The following UCK2 variants were observed in gnomAD, a reference collection of about 807,000 sequenced individuals.
UCK2 encodes uridine-cytidine kinase 2.
A neutral mutation model predicts 30.8 loss-of-function variants in UCK2; 6 were observed. The observed-to-expected ratio is 0.19, with a 90% CI of 0.11 to 0.38. The LOEUF is 0.38. Among genes scored for constraint, UCK2 ranks in the 10% least tolerant of loss-of-function variants. UCK2 has a pLI of 1.00. For synonymous variants in UCK2, 125 were observed against 133.6 expected (o/e 0.94, Z 0.45); for missense variants, 210 against 339.8 (o/e 0.62, Z 3.00).
At chr1:165,896,028 G>C in intron 3 of UCK2, 162 bp from the exon 4 acceptor site, 1 of 879,796 alleles carries the variant, frequency 1.1e-6, no homozygotes. Flanking sequence ...GTGGTGGTCC[G>C]AGGGCTCTGT....
Position 165,907,705 on chromosome 1 carries a change from A to T in UCK2, c.668A>T (p.Gln223Leu), listed in dbSNP as rs1647714471. The T allele has an allele frequency of 6.2e-7, 1 of 1,614,094 alleles. No individual in the cohort carries two copies. The highest frequency in any genetic ancestry group is 1.3e-5 in the African/African-American group (1 of 74,920). Residue 223 changes from glutamine to leucine, a missense_variant, in exon 7 of 7, where the codon CAG (glutamine) becomes CTG (leucine). Transcript: ENST00000367879. ...DNLVAINLIV[Q>L]HIQDILNGGP... Reference sequence around the variant, plus strand: ...ACAGTGGCCATCAACCTCATCGTGCAGCACATCCAGGACATCCTGAATGGA... The same window carrying T: ...ACAGTGGCCATCAACCTCATCGTGCTGCACATCCAGGACATCCTGAATGGA...
chr1:165,857,717 G>T (rs757328131), intron 1 of UCK2, among the ~76,000 whole-genome samples: 3 of 152,196 alleles, frequency 2.0e-5, no homozygotes, highest in African/African-American at 7.2e-5. Flanking sequence ...CCCTGTGTGC[G>T]AAGCGAAGCA....
At chr1:165,907,085 C>A (rs758766194) in intron 6 of UCK2, among the ~76,000 whole-genome samples, 2 of 152,156 alleles carry the variant, frequency 1.3e-5, no homozygotes, top group Non-Finnish European at 2.9e-5. Flanking sequence ...CTTATACAGT[C>A]TGAAGGAATT....
At chr1:165,843,170 T>A (rs1654371690) in intron 1 of UCK2, among the ~76,000 whole-genome samples, 1 of 152,248 alleles carries the variant, frequency 6.6e-6, no homozygotes, top group Non-Finnish European at 1.5e-5. Flanking sequence ...CTGTCCATTG[T>A]GCCTAGAATA....
chr1:165,895,728 A>G (rs1655880056), intron 3 of UCK2: 2 of 864,894 alleles, frequency 2.3e-6, no homozygotes, highest in Non-Finnish European at 2.8e-6. Flanking sequence ...CAATTGCCTC[A>G]GGACTGGCGG....
chr1:165,835,511 T>C (rs2101848798), intron 1 of UCK2, among the ~76,000 whole-genome samples: 1 of 152,160 alleles, frequency 6.6e-6, no homozygotes, highest in East Asian at 1.9e-4. Context: ...CCATCACATA[T>C]TTTTGACATC....
intron 1 of UCK2, among the ~76,000 whole-genome samples, chr1:165,840,349 T>C (rs1654298179): frequency 1.3e-5 from 2 of 152,274 alleles, no homozygotes; most frequent in Non-Finnish European, 2.9e-5. Flanking sequence ...TCAGGCTAAT[T>C]AGCATATCTG....
intron 1 of UCK2, among the ~76,000 whole-genome samples, chr1:165,861,047 C>G (rs1654883375): frequency 6.6e-6 from 1 of 152,158 alleles, no homozygotes; most frequent in African/African-American, 2.4e-5. Context: ...GGCCCAAGTT[C>G]AAGGCACCAG....
At chr1:165,897,881 T>C (rs1378080004) in intron 4 of UCK2, 1 of 152,162 alleles carries the variant, frequency 6.6e-6, no homozygotes, top group Admixed American at 6.5e-5. Flanking sequence ...GAGGAGACTT[T>C]TAGTTCTAGC....
At chr1:165,847,127 A>G (rs914932779) in intron 1 of UCK2, among the ~76,000 whole-genome samples, 12 of 152,150 alleles carry the variant, frequency 7.9e-5, no homozygotes, top group Non-Finnish European at 1.6e-4. Flanking sequence ...AAAAGTAAAA[A>G]AAAAAAGTAT....
chr1:165,840,352 C>T lies in UCK2; in HGVS notation c.99+12420C>T, dbSNP rs944833468. On this transcript the variant is annotated intron_variant, in intron 1 of 6. Transcript: ENST00000367879. ...GGAATGGTTAAATCAGGCTAATTAG[C>T]ATATCTGTTACCTCACTTAGTCATT... Among the ~76,000 whole-genome samples, 8 of 152,312 alleles carry T rather than the reference C, an allele frequency of 5.3e-5. No homozygotes were observed. In the South Asian group the frequency reaches 1.2e-3, roughly 24 times the overall value.
chr1:165,889,181 C>T (rs987385499), intron 1 of UCK2, among the ~76,000 whole-genome samples: 6 of 152,198 alleles, frequency 3.9e-5, no homozygotes, highest in Admixed American at 3.9e-4. Flanking sequence ...TGGTGACACA[C>T]GTTTGTGAAA....
At chr1:165,844,715 T>C (rs1328011624) in intron 1 of UCK2, among the ~76,000 whole-genome samples, 1 of 152,198 alleles carries the variant, frequency 6.6e-6, no homozygotes, top group Non-Finnish European at 1.5e-5. Context: ...AGCTGATCAC[T>C]AATGACAGCA....
At chr1:165,850,954 T>TTA (rs60420412) in intron 1 of UCK2, among the ~76,000 whole-genome samples, 34,965 of 117,630 alleles carry the variant, frequency 0.3, 6,038 homozygotes, top group East Asian at 0.52. Context: ...TTTTTTTTTT[T>TTA]AATAGAGAAT....
intron 1 of UCK2, among the ~76,000 whole-genome samples, chr1:165,860,554 T>A (rs1372615207): frequency 2.0e-5 from 3 of 152,102 alleles, no homozygotes; most frequent in African/African-American, 7.2e-5. Flanking sequence ...GCTCAGGTGA[T>A]TCTCCCACCT....
chr1:165,840,035 C>T (rs913684921), intron 1 of UCK2, among the ~76,000 whole-genome samples: 3 of 152,242 alleles, frequency 2.0e-5, no homozygotes, highest in African/African-American at 4.8e-5. Context: ...TCTCCTGCCT[C>T]AGCCTCCCAA....
chr1:165,859,494 C>T (rs1571276433), intron 1 of UCK2, among the ~76,000 whole-genome samples: 1 of 152,262 alleles, frequency 6.6e-6, no homozygotes, highest in African/African-American at 2.4e-5. Flanking sequence ...TGAACCCTTC[C>T]CTGCATTTCA....
chr1:165,834,129 T>G (rs952066184), intron 1 of UCK2, among the ~76,000 whole-genome samples: 2 of 152,162 alleles, frequency 1.3e-5, no homozygotes, highest in African/African-American at 2.4e-5. Context: ...CTTGGTGGTG[T>G]TAGTTTTGGT....
Position 165,838,772 on chromosome 1 carries a change from G to A in UCK2, c.99+10840G>A, listed in dbSNP as rs182850325. ...GGTGCATTAAAAAAAATCAGGCTGG[G>A]TGCAGTGGCTCATGCATGTCATCGC... On this transcript the variant is annotated intron_variant, in intron 1 of 6. Transcript: ENST00000367879. Among the ~76,000 whole-genome samples, 261 of 151,912 alleles carry A rather than the reference G, an allele frequency of 1.7e-3. 1 individual carries two copies. The highest frequency in any genetic ancestry group is 5.8e-3 in the African/African-American group (242 of 41,406).
Sources: allele counts gnomAD v4.1 joint callset (sites outside exome capture counted in the v4.1 genomes callset), GRCh38; gene constraint gnomAD v4.1.1; transcripts MANE v1.5; gene names NCBI Gene and HGNC (gene_info 2026-07-23, HGNC 2026-07-21).